ANXA11: variants seen among roughly 807,000 people sequenced by gnomAD.
The protein encoded by ANXA11 is 56 kDa autoantigen.
In ANXA11, 57 loss-of-function variants were observed where a neutral mutation model predicts 64.7. That is an observed-to-expected ratio of 0.88 (90% CI 0.71 to 1.10). ANXA11 has a LOEUF of 1.10. Among genes scored for constraint, ANXA11 ranks in the 50% least tolerant of loss-of-function variants. The pLI is 0.00. For missense variants in ANXA11, 675 were observed against 670.7 expected (o/e 1.01, Z -0.07); for synonymous variants, 260 against 265.2 (o/e 0.98, Z 0.19).
In ANXA11 at chr10:80,161,953, G is replaced by C. The variant is rs539605721; in HGVS notation, c.1162C>G (p.Arg388Gly). The stretch of plus-strand genomic sequence containing the variant: ...GCCTTACCTGCTACCAGGTGGGCCC[G>C]GCTCCGGGAGCACAGAACCGCATTG... ...KFNAVLCSRSRAHLVAVFNEY... is the reference protein window; with the variant it reads ...KFNAVLCSRSGAHLVAVFNEY... Residue 388 changes from arginine (R) to glycine (G), a missense_variant, in exon 12 of 16, where the codon CGG (arginine) becomes GGG (glycine). Physicochemically the swap from Arg to Gly is moderately radical, Grantham distance 125. Transcript: ENST00000422982. The C allele has an allele frequency of 6.2e-7, 1 of 1,611,978 alleles. No individual in the cohort carries two copies. The highest frequency in any genetic ancestry group is 1.7e-5 in the Admixed American group (1 of 60,012).
chr10:80,167,081 T>C, intron 6 of ANXA11, 97 bp from the exon 7 acceptor site: 3 of 1,287,110 alleles, frequency 2.3e-6, no homozygotes, highest in Non-Finnish European at 3.3e-6. Context: ...GTTCTGGGCA[T>C]GCTAGCCATA....
At chr10:80,167,104 C>T in intron 6 of ANXA11, 120 bp from the exon 7 acceptor site, 1 of 1,261,410 alleles carries the variant, frequency 7.9e-7, no homozygotes. Context: ...CCCACATCCA[C>T]CTTCTATCAC....
chr10:80,203,816 G>A (rs1840555289), intron 1 of ANXA11, among the ~76,000 whole-genome samples: 1 of 152,228 alleles, frequency 6.6e-6, no homozygotes, highest in Non-Finnish European at 1.5e-5. Flanking sequence ...GGGCATTCCA[G>A]TAAGACAGAG....
chr10:80,172,932 C>A (rs1846036566), intron 2 of ANXA11, 63 bp from the exon 3 acceptor site: 6 of 1,498,280 alleles, frequency 4.0e-6, no homozygotes, highest in South Asian at 1.2e-5. Context: ...CCCGTGGGAC[C>A]CAGCTTCTTG....
chr10:80,166,854 C>T (rs762904093), intron 7 of ANXA11, 36 bp downstream of exon 7: 114 of 1,493,092 alleles, frequency 7.6e-5, no homozygotes, highest in South Asian at 1.3e-4. Flanking sequence ...GCCCAGGACA[C>T]GCCTCACTGT....
chr10:80,178,812 A>G (rs1489146444), intron 1 of ANXA11, among the ~76,000 whole-genome samples: 1 of 152,196 alleles, frequency 6.6e-6, no homozygotes, highest in African/African-American at 2.4e-5. Flanking sequence ...CTCACTAAAC[A>G]TGCTAGCGCC....
intron 2 of ANXA11, among the ~76,000 whole-genome samples, chr10:80,174,473 C>T (rs574328371): frequency 0.011 from 1,690 of 152,198 alleles, 11 homozygotes; most frequent in Non-Finnish European, 0.019. Context: ...GACAGGGTTT[C>T]ACCATGTTGG....
At chr10:80,191,589 T>C (rs533307921) in intron 1 of ANXA11, among the ~76,000 whole-genome samples, 2 of 152,014 alleles carry the variant, frequency 1.3e-5, no homozygotes, top group African/African-American at 4.8e-5. Flanking sequence ...CCACCAAGAC[T>C]ACAAAAAAAA....
chr10:80,202,719 T>A (rs1478068465), intron 1 of ANXA11, among the ~76,000 whole-genome samples: 2 of 152,140 alleles, frequency 1.3e-5, no homozygotes, highest in African/African-American at 2.4e-5. Flanking sequence ...TGCCAGGAAC[T>A]GCTTCAGGCT....
rs1319914049 is a variant in ANXA11, at chr10:80,167,299, G to A, written c.576C>T (p.Gly192=). Residue 192 remains glycine, a synonymous_variant, in exon 6 of 16, where the codon GGC becomes GGT. Transcript: ENST00000422982. ...AVPPTQFGSR[G]TITDAPGFDP... is the part of the protein sequence containing the mutation. ...CAAAGCCGGGAGCATCAGTGATGGT[G>A]CCTCGGCTTCCAAACTACTCGGACA... The A allele has an allele frequency of 6.2e-7, 1 of 1,614,014 alleles. No individual in the cohort carries two copies. The highest frequency in any genetic ancestry group is 8.5e-7 in the Non-Finnish European group (1 of 1,180,010).
intron 4 of ANXA11, 65 bp downstream of exon 4, chr10:80,170,735 G>A (rs747997853): frequency 1.5e-6 from 2 of 1,311,220 alleles, no homozygotes. Context: ...GAGGCCAGCA[G>A]CTTTGATTCC....
chr10:80,180,960 A>C (rs1846334255), intron 1 of ANXA11: 2 of 152,246 alleles, frequency 1.3e-5, no homozygotes, highest in South Asian at 4.1e-4. Context: ...GTCTTCTGCC[A>C]TGTTATGAAG....
chr10:80,173,007 G>A (rs930110570), intron 2 of ANXA11, 138 bp from the exon 3 acceptor site: 5 of 706,524 alleles, frequency 7.1e-6, no homozygotes, highest in East Asian at 2.6e-5. Context: ...CCTGCTTGTC[G>A]CAGACCAGTT....
In ANXA11 at chr10:80,157,744, C is replaced by T. The variant is rs142001721; in HGVS notation, c.1355G>A (p.Arg452Gln). The T allele has an allele frequency of 2.5e-5, 41 of 1,613,614 alleles. No homozygotes were observed. Among genetic ancestry groups the T allele is most frequent in the Admixed American group, 6.7e-5 (4 of 59,972 alleles). ...KAMRGAGTKD[R>Q]TLIRIMVSRS... ...AGACACCATGATGCGAATCAGGGTC[C>T]GGTCCTTTGTTCCTGCCCCCTAAAG... Residue 452 changes from arginine to glutamine, a missense_variant, in exon 15 of 16, where the codon CGG (arginine) becomes CAG (glutamine). By Grantham distance (43) the Arg-to-Gln change is conservative (BLOSUM62 1). Transcript: ENST00000422982.
upstream of ANXA11, chr10:80,205,596 C>G (rs951717045): frequency 2.0e-5 from 3 of 152,082 alleles, no homozygotes; most frequent in Non-Finnish European, 2.9e-5. Context: ...GGCCTGAGCG[C>G]GGCCCCGCCC....
At chr10:80,181,813 C>A (rs958792241) in intron 1 of ANXA11, among the ~76,000 whole-genome samples, 1 of 152,168 alleles carries the variant, frequency 6.6e-6, no homozygotes, top group Non-Finnish European at 1.5e-5. Context: ...TACAGAGCAA[C>A]GGGAACTTTC....
At chr10:80,162,162 T>A in intron 11 of ANXA11, 134 bp from the exon 12 acceptor site, 3 of 663,076 alleles carry the variant, frequency 4.5e-6, no homozygotes, top group Non-Finnish European at 7.8e-6. Flanking sequence ...CTGAACTAGA[T>A]GGCCTCTAAA....
intron 3 of ANXA11, among the ~76,000 whole-genome samples, chr10:80,172,374 G>C (rs1050784904): frequency 6.6e-6 from 1 of 152,130 alleles, no homozygotes; most frequent in Non-Finnish European, 1.5e-5. Flanking sequence ...AGGAGAGGTG[G>C]TAAGGGGCAA....
At chr10:80,172,007 C>A in intron 3 of ANXA11, 1 of 799,728 alleles carries the variant, frequency 1.3e-6, no homozygotes, top group Non-Finnish European at 1.5e-6. Flanking sequence ...AGGTAAATGG[C>A]CTGCAGGTCT....
Sources: gnomAD v4.1 joint callset for allele counts (sites outside exome capture counted in the v4.1 genomes callset) on GRCh38, gnomAD v4.1.1 for gene constraint, MANE v1.5 for transcripts, NCBI Gene and HGNC (gene_info 2026-07-23, HGNC 2026-07-21) for gene names.